Variants in JAZF1 observed in about 807,000 individuals in gnomAD.
The protein encoded by JAZF1 is juxtaposed with another zinc finger protein 1.
A neutral mutation model predicts 26.4 loss-of-function variants in JAZF1; 8 were observed. The observed-to-expected ratio is 0.30, with a 90% CI of 0.18 to 0.55. The LOEUF is 0.55. JAZF1 is among the 20% of genes least tolerant of loss of function. The probability of loss-of-function intolerance (pLI) is 0.94; values close to 1 mark genes in which losing one functional copy is unlikely to be tolerated. For synonymous variants in JAZF1, 126 were observed against 122.3 expected, an observed-to-expected ratio of 1.03 and a Z score of -0.20; for missense variants, 199 against 322.0, an observed-to-expected ratio of 0.62 and a Z score of 2.92.
intron 1 of JAZF1, among the ~76,000 whole-genome samples, chr7:28,072,188 T>C (rs1393153069): frequency 6.6e-6 from 1 of 152,252 alleles, no homozygotes; most frequent in Admixed American, 6.5e-5. Context: ...GCATCTGTTA[T>C]AATTGCCCCA....
At chr7:27,958,432 A>C (rs1308266858) in intron 2 of JAZF1, among the ~76,000 whole-genome samples, 1 of 152,246 alleles carries the variant, frequency 6.6e-6, no homozygotes, top group African/African-American at 2.4e-5. Flanking sequence ...GAAGGATAAC[A>C]GAGCTACAGG....
At chr7:28,059,582 T>C (rs1192698541) in intron 1 of JAZF1, among the ~76,000 whole-genome samples, 4 of 152,206 alleles carry the variant, frequency 2.6e-5, no homozygotes, top group Non-Finnish European at 5.9e-5. Flanking sequence ...CTTTATTTTT[T>C]GTCCCTTCTT....
intron 2 of JAZF1, among the ~76,000 whole-genome samples, chr7:27,923,885 G>A (rs1389173756): frequency 6.6e-6 from 1 of 152,194 alleles, no homozygotes; most frequent in Non-Finnish European, 1.5e-5. Flanking sequence ...GGCAGGGATG[G>A]GCTTGTCCAG....
At chr7:28,037,250 G>C (rs748816889) in intron 1 of JAZF1, among the ~76,000 whole-genome samples, 20 of 152,050 alleles carry the variant, frequency 1.3e-4, no homozygotes, top group Non-Finnish European at 2.4e-4. Flanking sequence ...GGAATTTAAA[G>C]AGCACATCCA....
chr7:28,106,583 G>C lies in JAZF1; in HGVS notation c.115+73880C>G, dbSNP rs578051833. ...AACATTATAGGCCTTTCTTGCTATGGGGATCAAGTCCAGTATATTTTTCAT... is the reference window on the plus strand; with the variant it reads ...AACATTATAGGCCTTTCTTGCTATGCGGATCAAGTCCAGTATATTTTTCAT... On this transcript the variant is annotated intron_variant, in intron 1 of 4. Transcript: ENST00000283928. 2.6e-5 allele frequency among the ~76,000 whole-genome samples: 4 copies of C among 152,226 alleles called. No homozygotes were observed. In the East Asian group the frequency reaches 7.7e-4, roughly 29 times the overall value.
intron 1 of JAZF1, among the ~76,000 whole-genome samples, chr7:28,014,279 C>G (rs1285882884): frequency 6.6e-6 from 1 of 152,144 alleles, no homozygotes; most frequent in Non-Finnish European, 1.5e-5. Flanking sequence ...TCCCATCACC[C>G]AAGCCATTGA....
chr7:28,162,811 G>A (rs530649), intron 1 of JAZF1, among the ~76,000 whole-genome samples: 135,683 of 152,244 alleles, frequency 0.89, 60,618 homozygotes, highest in East Asian at 1. Flanking sequence ...TATGGCTTCA[G>A]GAGTCTTTAT....
intron 1 of JAZF1, among the ~76,000 whole-genome samples, chr7:28,064,147 A>C (rs182503234): frequency 1.2e-3 from 189 of 152,184 alleles, no homozygotes; most frequent in Admixed American, 2.5e-3. Context: ...AGGTAGGCAA[A>C]ATCAAGGAAA....
intron 1 of JAZF1, among the ~76,000 whole-genome samples, chr7:28,147,492 A>ATTTT (rs10622246): frequency 0.38 from 56,669 of 148,750 alleles, 11,679 homozygotes; most frequent in Non-Finnish European, 0.48. Flanking sequence ...AGTAAAAACA[A>ATTTT]TTTTTTTTTT....
At chr7:27,992,311 G>C (rs1785923476) in intron 1 of JAZF1, 1 of 441,260 alleles carries the variant, frequency 2.3e-6, no homozygotes, top group Non-Finnish European at 4.5e-6. Context: ...ATCGGCCTAA[G>C]AAAGAAAGTC....
intron 1 of JAZF1, among the ~76,000 whole-genome samples, chr7:28,112,292 C>A (rs1213868056): frequency 6.6e-6 from 1 of 152,212 alleles, no homozygotes; most frequent in Non-Finnish European, 1.5e-5. Flanking sequence ...GTTTCATTCA[C>A]TGAAGCAAAA....
chr7:28,126,580 G>C (rs767375272), intron 1 of JAZF1, among the ~76,000 whole-genome samples: 1 of 152,110 alleles, frequency 6.6e-6, no homozygotes, highest in Non-Finnish European at 1.5e-5. Context: ...AGAGACCAGA[G>C]GCTCTGAGTG....
chr7:28,024,466 A>G (rs1056934303), intron 1 of JAZF1, among the ~76,000 whole-genome samples: 2 of 152,212 alleles, frequency 1.3e-5, no homozygotes, highest in Admixed American at 1.3e-4. Context: ...ATGCACATAC[A>G]TAACCAGGTG....
intron 2 of JAZF1, among the ~76,000 whole-genome samples, chr7:27,911,273 T>C (rs1260896425): frequency 2.0e-5 from 3 of 152,262 alleles, no homozygotes; most frequent in Admixed American, 1.3e-4. Flanking sequence ...AAAAGATCTA[T>C]GACTTTTAAA....
intron 2 of JAZF1, among the ~76,000 whole-genome samples, chr7:27,986,480 A>G (rs1785708768): frequency 6.6e-6 from 1 of 152,228 alleles, no homozygotes; most frequent in Non-Finnish European, 1.5e-5. Flanking sequence ...AAACAAATGG[A>G]AGAACATTCC....
intron 2 of JAZF1, among the ~76,000 whole-genome samples, chr7:27,981,754 A>T (rs1201436108): frequency 6.6e-6 from 1 of 152,204 alleles, no homozygotes; most frequent in Non-Finnish European, 1.5e-5. Flanking sequence ...ATGTTATTTT[A>T]AAAATTACTC....
intron 1 of JAZF1, among the ~76,000 whole-genome samples, chr7:28,096,674 T>C (rs1392190756): frequency 6.6e-6 from 1 of 152,202 alleles, no homozygotes; most frequent in African/African-American, 2.4e-5. Flanking sequence ...GAGACTATTT[T>C]TTAACTTTTT....
intron 2 of JAZF1, among the ~76,000 whole-genome samples, chr7:27,897,564 C>T (rs1018941770): frequency 1.3e-5 from 2 of 152,172 alleles, no homozygotes; most frequent in Non-Finnish European, 2.9e-5. Flanking sequence ...GTAAGAATGA[C>T]CTCTGACTGG....
At chr7:27,998,071 A>AAGGCAGGCAGGCAGGCAGGC (rs1554280810) in intron 1 of JAZF1, among the ~76,000 whole-genome samples, 1,671 of 111,392 alleles carry the variant, frequency 0.015, 38 homozygotes, top group Middle Eastern at 0.025. Context: ...GGAAGGAAGG[A>AAGGCAGGCAGGCAGGCAGGC]AGGCAGGCAG....
Sources: gnomAD v4.1 joint callset for allele counts (sites outside exome capture counted in the v4.1 genomes callset) on GRCh38, gnomAD v4.1.1 for gene constraint, MANE v1.5 for transcripts, NCBI Gene and HGNC (gene_info 2026-07-23, HGNC 2026-07-21) for gene names.